ROR2: variants seen among roughly 807,000 people sequenced by gnomAD.
The protein encoded by ROR2 is tyrosine-protein kinase transmembrane receptor ROR2.
A neutral mutation model predicts 74.9 loss-of-function variants in ROR2; 33 were observed. The observed-to-expected ratio is 0.44, with a 90% CI of 0.33 to 0.59. ROR2 has a LOEUF of 0.59. Among genes scored for constraint, ROR2 ranks in the 20% least tolerant of loss-of-function variants. The pLI, the probability that ROR2 is intolerant of heterozygous loss-of-function variation, is 0.02. For synonymous variants in ROR2, 586 were observed against 558.7 expected, an observed-to-expected ratio of 1.05 and a Z score of -0.69; for missense variants, 1,216 against 1,313.8, an observed-to-expected ratio of 0.93 and a Z score of 1.15.
intron 1 of ROR2, among the ~76,000 whole-genome samples, chr9:91,935,082 T>G (rs10820922): frequency 0.16 from 24,752 of 152,008 alleles, 2,340 homozygotes; most frequent in Non-Finnish European, 0.21. Flanking sequence ...TCCACTAGGA[T>G]CCATCTGTGA....
intron 1 of ROR2, among the ~76,000 whole-genome samples, chr9:91,802,874 G>C (rs974358128): frequency 1.3e-5 from 2 of 152,032 alleles, no homozygotes; most frequent in Non-Finnish European, 2.9e-5. Flanking sequence ...CCACAAAATG[G>C]GCAACAAACT....
chr9:91,756,722 C>A (rs1485509116), intron 3 of ROR2, among the ~76,000 whole-genome samples: 1 of 150,018 alleles, frequency 6.7e-6, no homozygotes, highest in Non-Finnish European at 1.5e-5. Context: ...TCTCCATCTG[C>A]ACCTATTTTC....
At chr9:91,799,295 G>A (rs1020501879) in intron 1 of ROR2, among the ~76,000 whole-genome samples, 2 of 152,184 alleles carry the variant, frequency 1.3e-5, no homozygotes, top group African/African-American at 2.4e-5. Context: ...GGCCTCTCAT[G>A]AGTGGAATCC....
intron 1 of ROR2, among the ~76,000 whole-genome samples, chr9:91,913,342 G>T (rs551887105): frequency 2.0e-5 from 3 of 152,274 alleles, no homozygotes; most frequent in African/African-American, 7.2e-5. Context: ...TTATTCTTTG[G>T]AATGAATCAC....
Position 91,726,542 on chromosome 9 carries a change from T to C in ROR2, c.1385A>G (p.Gln462Arg). 1.2e-6 allele frequency: 2 copies of C among 1,612,090 alleles called. No homozygotes were observed. Among genetic ancestry groups the C allele is most frequent in the South Asian group, 1.1e-5 (1 of 91,008 alleles). Residue 462 changes from glutamine to arginine, a missense_variant and splice_region_variant, in exon 8 of 9, where the codon CAG becomes CGG. Physicochemically the swap from Gln to Arg is conservative, Grantham distance 43. Coordinates refer to ENST00000375708, the MANE Select transcript of ROR2 (RefSeq NM_004560.4). The stretch of plus-strand genomic sequence containing the variant: ...GTAGAAAATGTAAGGCATGGAGACC[T>C]GTTTGTGCTGGTTAATGAGGGGCAT... ...MEMPLINQHKQAKLKEISLSA... is the reference protein window; with the variant it reads ...MEMPLINQHKRAKLKEISLSA...
At chr9:91,851,429 A>G (rs796749231) in intron 1 of ROR2, among the ~76,000 whole-genome samples, 7 of 152,158 alleles carry the variant, frequency 4.6e-5, no homozygotes, top group African/African-American at 1.4e-4. Flanking sequence ...TGGATTATCT[A>G]TTCTCTTCTT....
At chr9:91,836,812 C>T (rs1828624050) in intron 1 of ROR2, among the ~76,000 whole-genome samples, 1 of 152,242 alleles carries the variant, frequency 6.6e-6, no homozygotes, top group African/African-American at 2.4e-5. Flanking sequence ...CGCTCCTCCA[C>T]CTCTGCCGCC....
At chr9:91,766,666 C>T (rs771452115) in intron 2 of ROR2, among the ~76,000 whole-genome samples, 2 of 152,160 alleles carry the variant, frequency 1.3e-5, no homozygotes, top group Admixed American at 1.3e-4. Flanking sequence ...GTGCAAAATA[C>T]GGGGTTTGTA....
chr9:91,864,540 C>T (rs1489028797), intron 1 of ROR2, among the ~76,000 whole-genome samples: 2 of 152,292 alleles, frequency 1.3e-5, no homozygotes, highest in South Asian at 2.1e-4. Flanking sequence ...TTTGCAGAGA[C>T]GCTGCCATAG....
chr9:91,892,670 A>G (rs943005824), intron 1 of ROR2, among the ~76,000 whole-genome samples: 10 of 143,910 alleles, frequency 6.9e-5, no homozygotes, highest in Admixed American at 2.9e-4. Context: ...GCTCACTGCA[A>G]CCTCCACCTC....
chr9:91,732,902 C>T (rs964473323), intron 6 of ROR2, among the ~76,000 whole-genome samples: 15 of 152,352 alleles, frequency 9.8e-5, no homozygotes, highest in African/African-American at 2.9e-4. Flanking sequence ...AGCCCACATG[C>T]GAGCCTGGGG....
At chr9:91,789,108 G>A (rs1826891129) in intron 1 of ROR2, among the ~76,000 whole-genome samples, 1 of 152,014 alleles carries the variant, frequency 6.6e-6, no homozygotes, top group African/African-American at 2.4e-5. Flanking sequence ...TTTTAATGTT[G>A]TTACCACAAT....
chr9:91,877,273 A>G (rs1230490508), intron 1 of ROR2, among the ~76,000 whole-genome samples: 1 of 152,102 alleles, frequency 6.6e-6, no homozygotes, highest in Non-Finnish European at 1.5e-5. Flanking sequence ...TCTCTTTCCA[A>G]CCTCACTCAC....
chr9:91,941,323 G>T (rs1018637651), intron 1 of ROR2, among the ~76,000 whole-genome samples: 1 of 152,128 alleles, frequency 6.6e-6, no homozygotes, highest in African/African-American at 2.4e-5. Context: ...AAACCATTTC[G>T]CCTTTACAGA....
intron 1 of ROR2, among the ~76,000 whole-genome samples, chr9:91,783,428 C>T (rs115600695): frequency 0.027 from 4,167 of 152,252 alleles, 188 homozygotes; most frequent in African/African-American, 0.095. Context: ...GGGCTAAGTA[C>T]AGGTGTGCTG....
At chr9:91,885,660 C>T (rs1830248462) in intron 1 of ROR2, among the ~76,000 whole-genome samples, 1 of 152,200 alleles carries the variant, frequency 6.6e-6, no homozygotes, top group Non-Finnish European at 1.5e-5. Flanking sequence ...AAGTGATCTA[C>T]AAAAGCCCTG....
rs1487121185 is a variant in ROR2 at position 91,802,027 on chromosome 9, G to A, written c.98-26209C>T. ...GCCGAGCCCAAGCCATTTGCTTGAC[G>A]AAGCCCATCATAAACAAACCTTTTC... is the stretch of plus-strand genomic sequence containing the variant. On this transcript the variant is annotated intron_variant, in intron 1 of 8. Transcript: ENST00000375708. Among the ~76,000 whole-genome samples the A allele has an allele frequency of 4.6e-5, 7 of 151,414 alleles. No individual in the cohort carries two copies. The South Asian group carries it at 6.2e-4, about 13-fold the overall frequency.
chr9:91,858,562 C>A (rs1829372434), intron 1 of ROR2, among the ~76,000 whole-genome samples: 1 of 152,206 alleles, frequency 6.6e-6, no homozygotes, highest in Non-Finnish European at 1.5e-5. Context: ...GCATTGTGTA[C>A]TTAACAAGCC....
At chr9:91,876,328 C>T (rs1302233304) in intron 1 of ROR2, among the ~76,000 whole-genome samples, 1 of 151,974 alleles carries the variant, frequency 6.6e-6, no homozygotes, top group East Asian at 1.9e-4. Flanking sequence ...AAGATAGCAC[C>T]ACTGCACTCC....
Sources: allele counts gnomAD v4.1 joint callset (sites outside exome capture counted in the v4.1 genomes callset), GRCh38; gene constraint gnomAD v4.1.1; transcripts MANE v1.5; gene names NCBI Gene and HGNC (gene_info 2026-07-23, HGNC 2026-07-21).